Variants in MICU2 observed in about 807,000 individuals in gnomAD.
MICU2 encodes the protein mitochondrial calcium uptake 2, also known as calcium uptake protein 2, mitochondrial.
A neutral mutation model predicts 60.4 loss-of-function variants in MICU2; 64 were observed. The ratio of observed to expected loss-of-function variants is 1.06; its 90% CI spans 0.87 to 1.31. MICU2 has a LOEUF of 1.31. MICU2 is among the 50% of genes most tolerant of loss of function. The pLI, the probability that MICU2 is intolerant of heterozygous loss-of-function variation, is 0.00. For missense variants in MICU2, 569 were observed against 531.0 expected (o/e 1.07, Z -0.70); for synonymous variants, 201 against 175.0 (o/e 1.15, Z -1.17).
intron 8 of MICU2, among the ~76,000 whole-genome samples, chr13:21,507,639 C>T (rs986129046): frequency 2.0e-5 from 3 of 150,702 alleles, no homozygotes; most frequent in East Asian, 3.9e-4. Context: ...AGTCTCACTC[C>T]GTTGCCCAGG....
chr13:21,587,938 C>A (rs1234037280), intron 1 of MICU2, among the ~76,000 whole-genome samples: 1 of 152,096 alleles, frequency 6.6e-6, no homozygotes, highest in African/African-American at 2.4e-5. Context: ...AGACTTTGAA[C>A]TGCATAGGTG....
rs761773069 is a variant in MICU2 at position 21,504,670 on chromosome 13, AATTAGT to A, written c.762-1579_762-1574del. ...TTGTGAACAAATTACATACTTTATA[AATTAGT>A]GGGTTAATTGGAAACAATGGGAGAG... On this transcript the variant is annotated intron_variant, in intron 8 of 11. Transcript: ENST00000382374. 2.4e-4 allele frequency among the ~76,000 whole-genome samples: 37 copies of A among 152,236 alleles called. No individual in the cohort carries two copies. In the South Asian group the frequency reaches 3.3e-3, roughly 14 times the overall value.
chr13:21,560,039 C>T (rs561657768), intron 2 of MICU2, among the ~76,000 whole-genome samples: 9 of 151,840 alleles, frequency 5.9e-5, no homozygotes, highest in Non-Finnish European at 1.0e-4. Context: ...TACTTCTGTC[C>T]CTTTTTTAAA....
chr13:21,509,189 T>C (rs994011120), intron 8 of MICU2, among the ~76,000 whole-genome samples: 1 of 152,224 alleles, frequency 6.6e-6, no homozygotes, highest in African/African-American at 2.4e-5. Context: ...TCACTATGCA[T>C]GGCATTATTA....
At chr13:21,537,660 AG>A (rs1450213549) in intron 4 of MICU2, among the ~76,000 whole-genome samples, 1 of 151,650 alleles carries the variant, frequency 6.6e-6, no homozygotes, top group Non-Finnish European at 1.5e-5. Flanking sequence ...TAGTAGAGAC[AG>A]GGTTTCCCCA....
chr13:21,495,860 A>G, intron 10 of MICU2, 192 bp downstream of exon 10: 1 of 483,102 alleles, frequency 2.1e-6, no homozygotes, highest in Non-Finnish European at 3.6e-6. Context: ...GGAGAATGAG[A>G]AAATAAAAGT....
intron 4 of MICU2, among the ~76,000 whole-genome samples, chr13:21,531,840 A>G (rs1179881189): frequency 1.3e-5 from 2 of 152,212 alleles, no homozygotes; most frequent in Non-Finnish European, 2.9e-5. Flanking sequence ...AAAAACAAAA[A>G]CAAACGAACA....
Position 21,493,346 on chromosome 13 carries a change from T to G in MICU2, c.1208A>C (p.Gln403Pro). The change falls in exon 12 of 12, where the codon CAA becomes CCA. Residue 403 changes from glutamine (Q) to proline (P), a missense_variant. Transcript: ENST00000382374. ...NRMHRGLWVP[Q>P]HQSIQEYWKC... ...CCAGTATTCTTGTATACTCTGATGT[T>G]GTGGTACCTGTTAACCGAAAGTAAA... The G allele has an allele frequency of 6.2e-7, 1 of 1,600,932 alleles. No homozygotes were observed. The highest frequency in any genetic ancestry group is 1.1e-5 in the South Asian group (1 of 87,944).
intron 2 of MICU2, among the ~76,000 whole-genome samples, chr13:21,548,631 A>T (rs549763674): frequency 1.3e-5 from 2 of 152,344 alleles, no homozygotes; most frequent in African/African-American, 4.8e-5. Context: ...CAACGGGGCT[A>T]GTGAAGCTGT....
intron 6 of MICU2, chr13:21,515,664 T>A (rs1886553319): frequency 3.3e-6 from 1 of 302,654 alleles, no homozygotes; most frequent in East Asian, 8.0e-5. Context: ...CAAACCTCTA[T>A]CCATTTTTTT....
chr13:21,516,448 C>CTAT (rs1287853176), intron 6 of MICU2, among the ~76,000 whole-genome samples: 2 of 152,186 alleles, frequency 1.3e-5, no homozygotes, highest in African/African-American at 4.8e-5. Context: ...GAATATACCA[C>CTAT]TATTTATTCA....
At chr13:21,546,436 T>A (rs1887421188) in intron 2 of MICU2, among the ~76,000 whole-genome samples, 1 of 150,914 alleles carries the variant, frequency 6.6e-6, no homozygotes, top group South Asian at 2.1e-4. Context: ...GAGGGAGAGG[T>A]AAGGGAAAGC....
At chr13:21,499,053 C>T (rs1201372681) in intron 9 of MICU2, among the ~76,000 whole-genome samples, 3 of 152,010 alleles carry the variant, frequency 2.0e-5, no homozygotes, top group Non-Finnish European at 1.5e-5. Context: ...CTCATTCAAG[C>T]GATTCTTCTG....
intron 4 of MICU2, among the ~76,000 whole-genome samples, chr13:21,532,802 G>A (rs1007368846): frequency 2.6e-5 from 4 of 152,154 alleles, no homozygotes; most frequent in African/African-American, 4.8e-5. Context: ...CAGTGTCCAC[G>A]GTGGAGTGGG....
rs776422407 is a variant in MICU2, at chr13:21,603,943, G to A, written c.206C>T (p.Ala69Val). ...AARDGSFTVS[A>V]QKNVEHGIIY... ...CAGAAGGAGTTAGTCCTGTACCTGT[G>A]CGGAGACTGTAAAACTGCCATCCCG... Residue 69 changes from alanine to valine, a missense_variant, in exon 1 of 12, where the codon GCA (alanine) becomes GTA (valine). Transcript: ENST00000382374. 26 of 1,612,486 alleles carry A rather than the reference G, an allele frequency of 1.6e-5. No homozygotes were observed. The highest frequency in any genetic ancestry group is 2.2e-5 in the Non-Finnish European group (26 of 1,179,588).
intron 1 of MICU2, among the ~76,000 whole-genome samples, chr13:21,592,890 A>C (rs1888613116): frequency 6.6e-6 from 1 of 152,238 alleles, no homozygotes. Flanking sequence ...GCTATTTAAG[A>C]CAAACCCACA....
Position 21,524,148 on chromosome 13 carries a change from G to T in MICU2, c.467-1498C>A, listed in dbSNP as rs913163784. On this transcript the variant is annotated intron_variant, in intron 4 of 11. Transcript: ENST00000382374. ...TTGTTCCCTCCGGATCAAAAGATTGGTATAATAGCAAAATGCACAATTAAC... is the reference window on the plus strand; with the variant it reads ...TTGTTCCCTCCGGATCAAAAGATTGTTATAATAGCAAAATGCACAATTAAC... 2.0e-5 allele frequency among the ~76,000 whole-genome samples: 3 copies of T among 152,040 alleles called. No homozygotes were observed. The South Asian group carries it at 6.2e-4, about 31-fold the overall frequency.
In MICU2 at chr13:21,503,102, A is replaced by G. The variant is rs779502900; in HGVS notation, c.762-5T>C. The G allele has an allele frequency of 2.5e-6, 4 of 1,580,658 alleles. No individual in the cohort carries two copies. In the Admixed American group the frequency reaches 5.5e-5, roughly 22 times the overall value. ...GTTTGTAAATTTTCCATAAATCTGA[A>G]TGTTAAAATACAAAATTAGTAAGGT... On this transcript the variant is annotated splice_region_variant and splice_polypyrimidine_tract_variant and intron_variant, in intron 8 of 11. Transcript: ENST00000382374.
intron 6 of MICU2, among the ~76,000 whole-genome samples, chr13:21,516,717 A>C (rs1593321416): frequency 6.6e-6 from 1 of 152,312 alleles, no homozygotes; most frequent in South Asian, 2.1e-4. Context: ...TGAGTGTAGT[A>C]GTATGTCATT....
Sources: allele counts gnomAD v4.1 joint callset (sites outside exome capture counted in the v4.1 genomes callset), GRCh38; gene constraint gnomAD v4.1.1; transcripts MANE v1.5; gene names NCBI Gene and HGNC (gene_info 2026-07-23, HGNC 2026-07-21).